Variants in DENND5B observed in about 807,000 individuals in gnomAD.
DENND5B encodes the protein DENN domain-containing protein 5B.
DENND5B carries 34 observed loss-of-function variants against 140.6 expected under a neutral mutation model. The observed-to-expected ratio is 0.24, with a 90% CI of 0.18 to 0.32. DENND5B has a LOEUF of 0.32. Ranked by LOEUF, DENND5B falls within the 10% of genes least tolerant of loss-of-function variation. DENND5B has a pLI of 1.00. For synonymous variants in DENND5B, 551 were observed against 562.1 expected, an observed-to-expected ratio of 0.98 and a Z score of 0.28; for missense variants, 1,142 against 1,560.2, an observed-to-expected ratio of 0.73 and a Z score of 4.52.
intron 1 of DENND5B, among the ~76,000 whole-genome samples, chr12:31,516,453 G>C (rs1947649657): frequency 7.2e-6 from 1 of 139,440 alleles, no homozygotes; most frequent in Non-Finnish European, 1.5e-5. Context: ...CTCTAGCCTG[G>C]ACAATAAGAG....
At chr12:31,428,466 A>G (rs922572871) in intron 8 of DENND5B, among the ~76,000 whole-genome samples, 10 of 151,972 alleles carry the variant, frequency 6.6e-5, no homozygotes, top group Admixed American at 5.2e-4. Context: ...CAGTGGTGCA[A>G]TCTCAACTAA....
At chr12:31,528,645 C>T (rs138762664) in intron 1 of DENND5B, among the ~76,000 whole-genome samples, 2 of 152,202 alleles carry the variant, frequency 1.3e-5, no homozygotes, top group East Asian at 3.9e-4. Flanking sequence ...AGAAAGCGTG[C>T]AAGGCTTTTG....
intron 11 of DENND5B, among the ~76,000 whole-genome samples, chr12:31,419,517 A>T (rs1449068432): frequency 6.9e-6 from 1 of 144,712 alleles, no homozygotes; most frequent in Non-Finnish European, 1.5e-5. Flanking sequence ...TGAATTTTAT[A>T]AATGTAGCAC....
chr12:31,437,059 A>G (rs10771832), intron 7 of DENND5B, among the ~76,000 whole-genome samples: 86,713 of 151,720 alleles, frequency 0.57, 25,240 homozygotes, highest in East Asian at 0.82. Context: ...ACTTATCTCC[A>G]TTTTCTATAA....
At chr12:31,439,844 C>T (rs2137940673) in intron 7 of DENND5B, among the ~76,000 whole-genome samples, 1 of 139,010 alleles carries the variant, frequency 7.2e-6, no homozygotes, top group South Asian at 2.4e-4. Flanking sequence ...GCAGGAGAAT[C>T]GCTTGAACCT....
At chr12:31,469,200 G>A (rs914777610) in intron 3 of DENND5B, among the ~76,000 whole-genome samples, 2 of 151,978 alleles carry the variant, frequency 1.3e-5, no homozygotes, top group African/African-American at 2.4e-5. Flanking sequence ...TAGCTGTGGT[G>A]GCATGTGCCT....
At chr12:31,443,063 TGCAC>T in intron 6 of DENND5B, 138 bp from the exon 7 acceptor site, 2 of 779,248 alleles carry the variant, frequency 2.6e-6, no homozygotes, top group Non-Finnish European at 3.9e-6. Context: ...TGTGTGTGTG[TGCAC>T]GCACGCACGC....
chr12:31,398,276 G>A lies in DENND5B; in HGVS notation c.3155C>T (p.Ser1052Leu). 2 of 1,572,838 alleles carry A rather than the reference G, an allele frequency of 1.3e-6. No homozygotes were observed. Among genetic ancestry groups the A allele is most frequent in the South Asian group, 1.2e-5 (1 of 85,378 alleles). ...ILIGELMTSA[S>L]DEDLVKQCRT... Reference sequence around the variant, plus strand: ...ACACTGCTTTACTAGATCTTCATCTGATGCTGATGTCATCAACTCTCCAAT... The same window carrying A: ...ACACTGCTTTACTAGATCTTCATCTAATGCTGATGTCATCAACTCTCCAAT... The change falls in exon 17 of 21, where the codon TCA becomes TTA. Residue 1052 changes from serine (S) to leucine (L), a missense_variant. Physicochemically the swap from Ser to Leu is moderately radical, Grantham distance 145. Transcript: ENST00000389082.
Position 31,479,828 on chromosome 12 carries a change from G to A in DENND5B, c.665C>T (p.Pro222Leu). ...GTGGATATAGCTTTCAAGTGGCAAG[G>A]GTGGTGGCTGCTGTGAGGTAACAGC... ...YKAVTSQQPP[P>L]LPLESYIHNI... The change falls in exon 3 of 21, where the codon CCC becomes CTC. Residue 222 changes from proline (P) to leucine (L), a missense_variant. Transcript: ENST00000389082. 1 of 1,613,908 alleles carries A rather than the reference G, an allele frequency of 6.2e-7. No homozygotes were observed. The highest frequency in any genetic ancestry group is 8.5e-7 in the Non-Finnish European group (1 of 1,179,844).
intron 1 of DENND5B, among the ~76,000 whole-genome samples, chr12:31,504,855 G>A (rs148222162): frequency 2.0e-5 from 3 of 152,270 alleles, no homozygotes; most frequent in Admixed American, 6.5e-5. Context: ...TCCGGGTCAA[G>A]GCACACAATC....
intron 7 of DENND5B, among the ~76,000 whole-genome samples, chr12:31,435,743 C>T (rs1565575983): frequency 6.6e-6 from 1 of 152,120 alleles, no homozygotes; most frequent in African/African-American, 2.4e-5. Flanking sequence ...TCACTGCAAC[C>T]TCCACCTCCT....
intron 1 of DENND5B, among the ~76,000 whole-genome samples, chr12:31,522,359 C>T (rs76388457): frequency 0.017 from 2,561 of 152,270 alleles, 74 homozygotes; most frequent in African/African-American, 0.058. Context: ...CATGTACCTC[C>T]CTTTGAAAGC....
intron 4 of DENND5B, among the ~76,000 whole-genome samples, chr12:31,455,828 T>C (rs1372007987): frequency 6.6e-6 from 1 of 151,002 alleles, no homozygotes; most frequent in Non-Finnish European, 1.5e-5. Flanking sequence ...GAGATCAGCC[T>C]GACCAACATG....
chr12:31,399,166 A>AT (rs1461402465), intron 16 of DENND5B, among the ~76,000 whole-genome samples: 1 of 149,016 alleles, frequency 6.7e-6, no homozygotes, highest in Non-Finnish European at 1.5e-5. Flanking sequence ...GAAAAAAAAA[A>AT]GTTTTTTGGG....
intron 2 of DENND5B, among the ~76,000 whole-genome samples, chr12:31,481,477 T>C (rs1383133047): frequency 6.6e-6 from 1 of 152,050 alleles, no homozygotes. Flanking sequence ...AGGGTTGCTA[T>C]GGGAAAAACA....
chr12:31,478,929 G>A (rs991492390), intron 3 of DENND5B, among the ~76,000 whole-genome samples: 19 of 152,096 alleles, frequency 1.2e-4, no homozygotes, highest in African/African-American at 4.1e-4. Context: ...TTCTTAATAT[G>A]TGTTGGAAGA....
chr12:31,460,469 A>G, intron 3 of DENND5B, 88 bp from the exon 4 acceptor site: 1 of 1,320,508 alleles, frequency 7.6e-7, no homozygotes, highest in Non-Finnish European at 1.0e-6. Context: ...TCTTAAGAAA[A>G]AAATTTCTGC....
intron 1 of DENND5B, among the ~76,000 whole-genome samples, chr12:31,508,785 T>C (rs1329020026): frequency 3.9e-5 from 6 of 152,158 alleles, no homozygotes; most frequent in Admixed American, 3.3e-4. Flanking sequence ...TAAAATAGTA[T>C]TAAGGTTCTG....
At position 31,423,634 on chromosome 12, in the gene DENND5B, G is replaced by GTC; in HGVS notation, c.2431_2432dup (p.Asp811GlufsTer41). 6.2e-7 allele frequency: 1 copy of GTC among 1,613,858 alleles called. No individual in the cohort carries two copies. The highest frequency in any genetic ancestry group is 8.5e-7 in the Non-Finnish European group (1 of 1,179,846). ...CAAGGTGCTCTTGTTTCTCTTCTCT[G>GTC]TCCTGAAATTGAATTAAATGTGACC... is the stretch of plus-strand genomic sequence containing the variant. On this transcript the variant is annotated frameshift_variant, in exon 11 of 21. Coordinates refer to ENST00000389082, the MANE Select transcript of DENND5B (RefSeq NM_144973.4). LOFTEE classifies it high-confidence loss of function.
Sources: allele counts gnomAD v4.1 joint callset (sites outside exome capture counted in the v4.1 genomes callset), GRCh38; gene constraint gnomAD v4.1.1; transcripts MANE v1.5; gene names NCBI Gene and HGNC (gene_info 2026-07-23, HGNC 2026-07-21).